SFMBT2: variants seen among roughly 807,000 people sequenced by gnomAD.
SFMBT2 encodes Scm like with four mbt domains 2.
A neutral mutation model predicts 110.1 loss-of-function variants in SFMBT2; 38 were observed. The ratio of observed to expected loss-of-function variants is 0.35; its 90% CI spans 0.27 to 0.45. SFMBT2 has a LOEUF of 0.45. Ranked by LOEUF, SFMBT2 falls within the 20% of genes least tolerant of loss-of-function variation. SFMBT2 has a pLI of 1.00. For synonymous variants in SFMBT2, 425 were observed against 425.4 expected, an observed-to-expected ratio of 1.00 and a Z score of 0.01; for missense variants, 1,011 against 1,094.9, an observed-to-expected ratio of 0.92 and a Z score of 1.08.
chr10:7,172,771 G>T lies in SFMBT2; in HGVS notation c.1985-110C>A. 1.5e-6 allele frequency: 2 copies of T among 1,322,478 alleles called. No homozygotes were observed. Among genetic ancestry groups the T allele is most frequent in the Non-Finnish European group, 2.1e-6 (2 of 972,104 alleles). 81.9% of individuals were successfully genotyped at this position (1,322,478 alleles called of 1,614,324 possible). On this transcript the variant is annotated intron_variant, in intron 17 of 20. Coordinates refer to ENST00000397167, the MANE Select transcript of SFMBT2 (RefSeq NM_001387889.1). This position sits in a 1 kb window ranked among gnomAD's most constrained non-coding sequence, Gnocchi z 4.6. ...GATTCTTTCATCTGATAGTTCATTTGTGCCTTACGAAGTCATTCTGAGAAA... is the reference window on the plus strand; with the variant it reads ...GATTCTTTCATCTGATAGTTCATTTTTGCCTTACGAAGTCATTCTGAGAAA...
intron 3 of SFMBT2, chr10:7,368,414 C>A: frequency 1.6e-5 from 15 of 965,548 alleles, no homozygotes; most frequent in Non-Finnish European, 1.7e-5. Flanking sequence ...AGCTTTCCAG[C>A]CTGGTGGGTC....
chr10:7,372,235 T>A (rs780182952), intron 2 of SFMBT2, among the ~76,000 whole-genome samples: 6 of 152,148 alleles, frequency 3.9e-5, no homozygotes, highest in Non-Finnish European at 7.4e-5. Context: ...AATTTTTGAA[T>A]TATAAGTAGG....
intron 4 of SFMBT2, among the ~76,000 whole-genome samples, chr10:7,341,694 C>A (rs990145048): frequency 2.0e-5 from 3 of 152,156 alleles, no homozygotes; most frequent in Non-Finnish European, 2.9e-5. Flanking sequence ...TTTACAGACA[C>A]ATACTAAAAT....
rs202195954 is a variant in SFMBT2, at chr10:7,180,739, AG to A, written c.1809-4575del. Among the ~76,000 whole-genome samples the A allele has an allele frequency of 1.3e-3, 199 of 152,236 alleles. 2 individuals are homozygous for A. The highest frequency in any genetic ancestry group is 0.01 in the Admixed American group (156 of 15,288). ...AAGGATGGAAGTGCGGGAGGGACGC[AG>A]GGGGGAGGCCGTCGCATGTGGGGAC... On this transcript the variant is annotated intron_variant, in intron 16 of 20. Transcript: ENST00000397167.
chr10:7,390,794 T>A (rs1845742288), intron 1 of SFMBT2, among the ~76,000 whole-genome samples: 1 of 152,176 alleles, frequency 6.6e-6, no homozygotes, highest in African/African-American at 2.4e-5. Flanking sequence ...ATGCATCAAA[T>A]CAATCATTTT....
At chr10:7,260,765 T>C (rs893371279) in intron 7 of SFMBT2, among the ~76,000 whole-genome samples, 1 of 151,938 alleles carries the variant, frequency 6.6e-6, no homozygotes, top group Non-Finnish European at 1.5e-5. Flanking sequence ...AATAAAAAAA[T>C]CATCCTGGCC....
chr10:7,201,500 G>C (rs1053218577), intron 13 of SFMBT2, among the ~76,000 whole-genome samples: 3 of 152,282 alleles, frequency 2.0e-5, no homozygotes, highest in Non-Finnish European at 4.4e-5. Context: ...TTATGAGCCA[G>C]ATAAACTGCA....
intron 17 of SFMBT2, among the ~76,000 whole-genome samples, chr10:7,175,733 A>C (rs1210786850): frequency 6.9e-6 from 1 of 145,694 alleles, no homozygotes; most frequent in African/African-American, 2.4e-5. Flanking sequence ...CAGTACACAC[A>C]GTTCCTCTTC....
At chr10:7,276,218 C>G in intron 7 of SFMBT2, among the ~76,000 whole-genome samples, 1 of 152,152 alleles carries the variant, frequency 6.6e-6, no homozygotes, top group East Asian at 1.9e-4. Flanking sequence ...TTAGCAGAAC[C>G]TCGGGACATC....
intron 16 of SFMBT2, 56 bp downstream of exon 16, chr10:7,188,568 A>G: frequency 7.2e-7 from 1 of 1,390,058 alleles, no homozygotes. Context: ...CAAGGTTCAA[A>G]GTAGCATGGG....
At chr10:7,357,695 G>C (rs1163651660) in intron 4 of SFMBT2, among the ~76,000 whole-genome samples, 1 of 152,124 alleles carries the variant, frequency 6.6e-6, no homozygotes, top group African/African-American at 2.4e-5. Context: ...AATAATCCTT[G>C]GGAACCATCT....
In SFMBT2 at chr10:7,188,689, T is replaced by C. The variant is rs1319852989; in HGVS notation, c.1743A>G (p.Val581=). The change falls in exon 16 of 21, where the codon GTA becomes GTG. Residue 581 remains valine (V), a synonymous_variant. Coordinates refer to ENST00000397167, the MANE Select transcript of SFMBT2 (RefSeq NM_001387889.1). The part of the protein sequence containing the change: ...IINAAYKPGR[V]LRELQLVEDP... ...CTTCTACCAGCTGTAATTCTCTTAA[T>C]ACCCTTCCAGGCTTGTAGGCTGCGT... 1.9e-6 allele frequency: 3 copies of C among 1,613,782 alleles called. No homozygotes were observed. Among genetic ancestry groups the C allele is most frequent in the Middle Eastern group, 1.6e-4 (1 of 6,062 alleles).
Position 7,197,648 on chromosome 10 carries a change from A to T in SFMBT2, c.1598T>A (p.Ile533Asn). 6.2e-7 allele frequency: 1 copy of T among 1,614,192 alleles called. No individual in the cohort carries two copies. Among genetic ancestry groups the T allele is most frequent in the South Asian group, 1.1e-5 (1 of 91,080 alleles). The change falls in exon 15 of 21, where the codon ATC (isoleucine) becomes AAC (asparagine). Residue 533 changes from isoleucine to asparagine, a missense_variant. Transcript: ENST00000397167. ...AGGGCCTGAGAAACACCTGTGGTTG[A>T]TGAAGAGCTGAGGACAGCAGTATTT... ...NGKYCCPQLF[I>N]NHRCFSGPYL... is the part of the protein sequence containing the mutation.
chr10:7,241,568 G>C (rs908529502), intron 9 of SFMBT2, among the ~76,000 whole-genome samples: 1 of 152,008 alleles, frequency 6.6e-6, no homozygotes, highest in African/African-American at 2.4e-5. Flanking sequence ...GAGAAGAAAT[G>C]ATCATAACTA....
intron 10 of SFMBT2, among the ~76,000 whole-genome samples, chr10:7,224,682 G>A (rs924500501): frequency 4.6e-5 from 7 of 152,038 alleles, no homozygotes; most frequent in Non-Finnish European, 8.8e-5. Flanking sequence ...CAGGCAGAAG[G>A]GTCAATTCAG....
At position 7,367,784 on chromosome 10, in the gene SFMBT2, C is replaced by T. The variant is rs201763668; in HGVS notation, c.301G>A (p.Gly101Arg). Residue 101 changes from glycine to arginine, a missense_variant, in exon 4 of 21, where the codon GGG (glycine) becomes AGG (arginine). Physicochemically the swap from Gly to Arg is moderately radical, Grantham distance 125. This residue lies in a region of SFMBT2 where 979 missense variants were observed against 1,016.1 expected (regional missense o/e 0.96). Transcript: ENST00000397167. This position sits in a 1 kb window ranked among gnomAD's most constrained non-coding sequence, Gnocchi z 6.2. ...YWVATIITTCGQLLLLRYCGY... is the reference protein window; with the variant it reads ...YWVATIITTCRQLLLLRYCGY... ...CAGTAGCGCAGAAGCAGCAGCTGCC[C>T]GCACGTGGTAATGATCGTGGCCACC... 19 of 1,614,100 alleles carry T rather than the reference C, an allele frequency of 1.2e-5. No homozygotes were observed. Among genetic ancestry groups the T allele is most frequent in the Non-Finnish European group, 1.6e-5 (19 of 1,180,026 alleles).
chr10:7,391,567 T>C (rs778831786), intron 1 of SFMBT2, among the ~76,000 whole-genome samples: 3 of 152,166 alleles, frequency 2.0e-5, no homozygotes, highest in Admixed American at 6.5e-5. Context: ...CCCAGGTGAC[T>C]GCAAAATTGA....
chr10:7,323,574 A>G (rs1279188259), intron 4 of SFMBT2, among the ~76,000 whole-genome samples: 1 of 152,098 alleles, frequency 6.6e-6, no homozygotes, highest in African/African-American at 2.4e-5. Flanking sequence ...TGGGGTTTCA[A>G]CTATAGTGGT....
At chr10:7,195,659 C>T (rs534688145) in intron 15 of SFMBT2, among the ~76,000 whole-genome samples, 2 of 152,288 alleles carry the variant, frequency 1.3e-5, no homozygotes, top group South Asian at 2.1e-4. Context: ...TCCTTCATCA[C>T]CCGCACCCCA....
Sources: gnomAD v4.1 joint callset for allele counts (sites outside exome capture counted in the v4.1 genomes callset) on GRCh38, gnomAD v4.1.1 for gene constraint, gnomAD v4.1.1 regional missense constraint, Gnocchi (gnomAD v3.1) non-coding constraint, MANE v1.5 for transcripts, NCBI Gene and HGNC (gene_info 2026-07-23, HGNC 2026-07-21) for gene names.